The following REXO5 variants were observed in gnomAD, a reference collection of about 807,000 sequenced individuals.
REXO5 encodes the protein RNA exonuclease 5.
Under a neutral mutation model 88.5 loss-of-function variants are expected in REXO5, and 48 were observed. That is an observed-to-expected ratio of 0.54 (90% CI 0.43 to 0.69). REXO5 has a LOEUF of 0.69. Among genes scored for constraint, REXO5 ranks in the 30% least tolerant of loss-of-function variants. REXO5 has a pLI of 0.00. For synonymous variants in REXO5, 311 were observed against 336.5 expected (o/e 0.92, Z 0.83); for missense variants, 749 against 912.2 (o/e 0.82, Z 2.30).
intron 14 of REXO5, 75 bp from the exon 15 acceptor site, chr16:20,840,256 C>A: frequency 7.8e-7 from 1 of 1,275,338 alleles, no homozygotes; most frequent in Non-Finnish European, 1.1e-6. Context: ...GGTGAATAAT[C>A]CCATGCATTG....
chr16:20,809,043 A>C (rs1364270798), intron 2 of REXO5, among the ~76,000 whole-genome samples: 2 of 151,836 alleles, frequency 1.3e-5, no homozygotes, highest in Non-Finnish European at 2.9e-5. Flanking sequence ...TTTTTTTATT[A>C]AAGTGGGATT....
chr16:20,832,402 A>G (rs780409839), intron 12 of REXO5, 143 bp downstream of exon 12: 14 of 510,252 alleles, frequency 2.7e-5, no homozygotes, highest in Non-Finnish European at 4.1e-5. Context: ...CACAAAAACC[A>G]CGGAAAAAAT....
chr16:20,819,767 A>AAG lies in REXO5; in HGVS notation c.476-1994_476-1993insGA, dbSNP rs1482281699. On this transcript the variant is annotated intron_variant, in intron 5 of 19. Transcript: ENST00000261377. ...CGAAACTCCGTCTCCAAAAAAAAAA[A>AAG]AAAATTTAGAGTCAGGATCTCCCTC... is the stretch of plus-strand genomic sequence containing the variant. Among the ~76,000 whole-genome samples, 3 of 151,688 alleles carry AAG rather than the reference A, an allele frequency of 2.0e-5. No homozygotes were observed. In the East Asian group the frequency reaches 5.8e-4, roughly 29 times the overall value.
chr16:20,809,277 A>G (rs1238686359), intron 2 of REXO5, among the ~76,000 whole-genome samples: 2 of 152,216 alleles, frequency 1.3e-5, no homozygotes, highest in East Asian at 1.9e-4. Context: ...TATATTCTCT[A>G]TAAACCTACA....
chr16:20,845,145 G>T lies in REXO5; in HGVS notation c.2028G>T (p.Arg676Ser). 6.2e-7 allele frequency: 1 copy of T among 1,614,126 alleles called. No individual in the cohort carries two copies. The highest frequency in any genetic ancestry group is 2.2e-5 in the East Asian group (1 of 44,878). Reference protein sequence around the residue: ...KLKGRHALTPRHLHAWLRGLP... With the variant: ...KLKGRHALTPSHLHAWLRGLP... ...AAGGCAGGCATGCCCTAACCCCCAG[G>T]CACCTCCATGCCTGGCTCAGAGGCT... The change falls in exon 18 of 20, where the codon AGG (arginine) becomes AGT (serine). Residue 676 changes from arginine to serine, a missense_variant. Coordinates refer to ENST00000261377, the MANE Select transcript of REXO5 (RefSeq NM_030941.3).
At chr16:20,836,985 T>A (rs2081441109) in intron 13 of REXO5, among the ~76,000 whole-genome samples, 1 of 152,254 alleles carries the variant, frequency 6.6e-6, no homozygotes, top group African/African-American at 2.4e-5. Flanking sequence ...CATTTTCTTA[T>A]TGGTGAGTTT....
chr16:20,842,804 G>A (rs1235484315), intron 15 of REXO5, among the ~76,000 whole-genome samples: 1 of 152,158 alleles, frequency 6.6e-6, no homozygotes, highest in Non-Finnish European at 1.5e-5. Context: ...CTATGAACAT[G>A]GTTGTACACA....
At chr16:20,808,612 A>ATTTT (rs751042762) in intron 2 of REXO5, among the ~76,000 whole-genome samples, 1 of 108,422 alleles carries the variant, frequency 9.2e-6, no homozygotes, top group Non-Finnish European at 1.8e-5. Flanking sequence ...TAGGGATGTG[A>ATTTT]TTTTTTTTTT....
At chr16:20,832,335 T>C (rs1395415600) in intron 12 of REXO5, 76 bp downstream of exon 12, 7 of 906,824 alleles carry the variant, frequency 7.7e-6, no homozygotes, top group South Asian at 3.3e-5. Context: ...CCTGAGAATG[T>C]TTTTATCCTC....
At chr16:20,813,692 T>A (rs2040749) in intron 3 of REXO5, among the ~76,000 whole-genome samples, 94,433 of 151,992 alleles carry the variant, frequency 0.62, 30,453 homozygotes, top group Non-Finnish European at 0.72. Flanking sequence ...GTTTCCCGTG[T>A]TGCAGACTCA....
intron 5 of REXO5, among the ~76,000 whole-genome samples, chr16:20,820,581 T>TCC (rs1237317792): frequency 3.9e-5 from 2 of 51,732 alleles, no homozygotes; most frequent in Non-Finnish European, 9.1e-5. Context: ...TTTTTTTTTT[T>TCC]GAGACAGAGC....
At chr16:20,819,893 G>A (rs1485026190) in intron 5 of REXO5, among the ~76,000 whole-genome samples, 2 of 152,124 alleles carry the variant, frequency 1.3e-5, no homozygotes, top group Non-Finnish European at 2.9e-5. Flanking sequence ...GAGTAGCTAA[G>A]ACTTGCAGTT....
At chr16:20,838,670 C>T (rs1306514953) in intron 13 of REXO5, among the ~76,000 whole-genome samples, 49 of 152,144 alleles carry the variant, frequency 3.2e-4, no homozygotes, top group Admixed American at 3.2e-3. Context: ...TTTCTTACTG[C>T]AGCTCTAACA....
intron 13 of REXO5, among the ~76,000 whole-genome samples, chr16:20,833,597 G>T (rs192235755): frequency 2.0e-5 from 3 of 152,140 alleles, no homozygotes; most frequent in Admixed American, 2.0e-4. Flanking sequence ...ATGAATGGTA[G>T]AACACCTGTA....
At chr16:20,833,332 G>A (rs2081375230) in intron 13 of REXO5, among the ~76,000 whole-genome samples, 1 of 152,174 alleles carries the variant, frequency 6.6e-6, no homozygotes, top group African/African-American at 2.4e-5. Flanking sequence ...GAGCCCAGCA[G>A]GCCTCTGGCT....
intron 13 of REXO5, among the ~76,000 whole-genome samples, chr16:20,839,198 A>G (rs1172812705): frequency 6.6e-6 from 1 of 152,154 alleles, no homozygotes; most frequent in Non-Finnish European, 1.5e-5. Context: ...CCTTTTCTCT[A>G]TATATCTGAT....
At chr16:20,835,639 A>ATT (rs60258217) in intron 13 of REXO5, among the ~76,000 whole-genome samples, 139,640 of 150,722 alleles carry the variant, frequency 0.93, 65,050 homozygotes, top group East Asian at 1. Context: ...GTTCTTAGGA[A>ATT]TTTTTTTTTT....
intron 13 of REXO5, among the ~76,000 whole-genome samples, chr16:20,838,822 C>T (rs1363813880): frequency 6.6e-6 from 1 of 152,000 alleles, no homozygotes; most frequent in Non-Finnish European, 1.5e-5. Flanking sequence ...ATGGTCCCCT[C>T]TTTTTTTTCC....
intron 2 of REXO5, among the ~76,000 whole-genome samples, chr16:20,808,028 A>G (rs2080931137): frequency 6.6e-6 from 1 of 152,088 alleles, no homozygotes; most frequent in South Asian, 2.1e-4. Flanking sequence ...TTAGATTCTC[A>G]TAGGAATGTG....
Sources: allele counts gnomAD v4.1 joint callset (sites outside exome capture counted in the v4.1 genomes callset), GRCh38; gene constraint gnomAD v4.1.1; transcripts MANE v1.5; gene names NCBI Gene and HGNC (gene_info 2026-07-23, HGNC 2026-07-21).